The following NUMA1 variants were observed in gnomAD, a reference collection of about 807,000 sequenced individuals.
The protein encoded by NUMA1 is nuclear mitotic apparatus protein 1.
Under a neutral mutation model 237.1 loss-of-function variants are expected in NUMA1, and 62 were observed. That is an observed-to-expected ratio of 0.26 (90% CI 0.21 to 0.32). The LOEUF is 0.32. Ranked by LOEUF, NUMA1 falls within the 10% of genes least tolerant of loss-of-function variation. The pLI, the probability that NUMA1 is intolerant of heterozygous loss-of-function variation, is 1.00. For missense variants in NUMA1, 2,533 were observed against 2,666.5 expected (o/e 0.95, Z 1.10); for synonymous variants, 1,028 against 1,066.1 (o/e 0.96, Z 0.70).
Position 72,029,193 on chromosome 11 carries a change from G to A in NUMA1, c.128+12C>T. ...GCCTTAGAGGCTAGAAAGGGGTATGGTGCGTACTCACATTCTGTCAATGAT... is the reference window on the plus strand; with the variant it reads ...GCCTTAGAGGCTAGAAAGGGGTATGATGCGTACTCACATTCTGTCAATGAT... On this transcript the variant is annotated intron_variant, in intron 4 of 26. Coordinates refer to ENST00000393695, the MANE Select transcript of NUMA1 (RefSeq NM_006185.4). 2 of 1,602,074 alleles carry A rather than the reference G, an allele frequency of 1.2e-6. No individual in the cohort carries two copies.
At position 72,017,845 on chromosome 11, in the gene NUMA1, G is replaced by A; in HGVS notation, c.979-18C>T. 6.6e-7 allele frequency: 1 copy of A among 1,516,382 alleles called. No individual in the cohort carries two copies. Among genetic ancestry groups the A allele is most frequent in the Non-Finnish European group, 8.8e-7 (1 of 1,133,670 alleles). 93.9% of individuals were successfully genotyped at this position (1,516,382 alleles called of 1,614,324 possible). ...TCCCGCAGCTGAGACGGGCAAGTGA[G>A]AATCCCCATCACCCAGAGTCAACGC... On this transcript the variant is annotated intron_variant, in intron 12 of 26. Transcript: ENST00000393695.
Position 72,029,185 on chromosome 11 carries a change from G to A in NUMA1, c.128+20C>T, listed in dbSNP as rs765445798. 2.5e-6 allele frequency: 4 copies of A among 1,585,346 alleles called. No homozygotes were observed. The highest frequency in any genetic ancestry group is 1.7e-5 in the Admixed American group (1 of 59,730). On this transcript the variant is annotated intron_variant, in intron 4 of 26. Coordinates refer to ENST00000393695, the MANE Select transcript of NUMA1 (RefSeq NM_006185.4). ...TCAGCTTTGCCTTAGAGGCTAGAAAGGGGTATGGTGCGTACTCACATTCTG... is the reference window on the plus strand; with the variant it reads ...TCAGCTTTGCCTTAGAGGCTAGAAAAGGGTATGGTGCGTACTCACATTCTG...
At chr11:72,023,272 T>C in intron 5 of NUMA1, 125 bp from the exon 6 acceptor site, 1 of 707,378 alleles carries the variant, frequency 1.4e-6, no homozygotes, top group Non-Finnish European at 2.5e-6. Context: ...TAGGCCTCCT[T>C]ACTCCTATGG....
In NUMA1 at chr11:72,040,445, TACAC is replaced by T. The variant is rs66621771; in HGVS notation, c.-32-4474_-32-4471del. ...TGTATTGTACTGGGGCGCGTACACA[TACAC>T]ACACACACACACACACACACACACA... On this transcript the variant is annotated intron_variant, in intron 2 of 26. Coordinates refer to ENST00000393695, the MANE Select transcript of NUMA1 (RefSeq NM_006185.4). 4.9e-3 allele frequency among the ~76,000 whole-genome samples: 675 copies of T among 136,468 alleles called. 26 individuals carry two copies. Among genetic ancestry groups the T allele is most frequent in the South Asian group, 7.3e-3 (29 of 4,000 alleles). The allele number at this position is 136,468 out of a possible 152,430, so 89.5% of individuals were successfully genotyped here.
intron 2 of NUMA1, among the ~76,000 whole-genome samples, chr11:72,050,223 G>T (rs927791219): frequency 3.9e-5 from 6 of 152,150 alleles, no homozygotes; most frequent in Non-Finnish European, 8.8e-5. Context: ...ACAGACTAAA[G>T]AAAAGTAGCT....
chr11:72,077,455 A>C (rs959696745), intron 1 of NUMA1, among the ~76,000 whole-genome samples: 6 of 152,156 alleles, frequency 3.9e-5, no homozygotes, highest in Non-Finnish European at 8.8e-5. Flanking sequence ...ATTTCAATGA[A>C]AAAACACTTT....
At chr11:72,060,845 C>T (rs552862555) in intron 2 of NUMA1, among the ~76,000 whole-genome samples, 8 of 152,114 alleles carry the variant, frequency 5.3e-5, no homozygotes, top group African/African-American at 1.9e-4. Context: ...CCGAGGCGGG[C>T]GGATCACGAG....
chr11:72,025,758 G>A (rs1428551369), intron 4 of NUMA1, among the ~76,000 whole-genome samples: 1 of 152,154 alleles, frequency 6.6e-6, no homozygotes, highest in South Asian at 2.1e-4. Flanking sequence ...CATACCCCAT[G>A]TGATTACACA....
At chr11:72,063,608 C>CAAAAAAAAA (rs71052848) in intron 2 of NUMA1, among the ~76,000 whole-genome samples, 2 of 61,134 alleles carry the variant, frequency 3.3e-5, no homozygotes, top group Non-Finnish European at 6.6e-5. Context: ...TACCAAAACT[C>CAAAAAAAAA]AAAAAAAAAA....
intron 10 of NUMA1, 86 bp downstream of exon 10, chr11:72,018,737 G>A (rs1938286761): frequency 6.8e-7 from 1 of 1,481,232 alleles, no homozygotes; most frequent in Non-Finnish European, 9.1e-7. Flanking sequence ...CAGCTCCAGG[G>A]GCCAGCAGAG....
At chr11:72,073,063 A>AAAAAAAAAAAAAAAAAC (rs1943536462) in intron 1 of NUMA1, among the ~76,000 whole-genome samples, 1 of 148,576 alleles carries the variant, frequency 6.7e-6, no homozygotes, top group Non-Finnish European at 1.5e-5. Flanking sequence ...AAAAAAAAAA[A>AAAAAAAAAAAAAAAAAC]AAAAAGCTGC....
rs545654921 is a variant in NUMA1 at position 72,065,636 on chromosome 11, A to G, written c.-33+4206T>C. 1.1e-4 allele frequency: 17 copies of G among 152,336 alleles called. No individual in the cohort carries two copies. In the South Asian group the frequency reaches 2.1e-3, roughly 19 times the overall value. 9.4% of individuals were successfully genotyped at this position (152,336 alleles called of 1,614,324 possible). The stretch of plus-strand genomic sequence containing the variant: ...CCTTATACTTCTCTGCGTTTTTCAC[A>G]TATCCTAGAATGAATATATACTATT... On this transcript the variant is annotated intron_variant, in intron 2 of 26. Coordinates refer to ENST00000393695, the MANE Select transcript of NUMA1 (RefSeq NM_006185.4).
rs1254477359 is a variant in NUMA1 at position 72,016,138 on chromosome 11, G to A, written c.1365C>T (p.Gly455=). The A allele has an allele frequency of 2.5e-5, 40 of 1,613,898 alleles. 1 individual carries two copies. The Admixed American group carries it at 6.5e-4, about 26-fold the overall frequency. ...QQEAKLLAER[G]HFEEEKQQLS... Reference sequence around the variant, plus strand: ...GCTGCTGCTTTTCTTCTTCGAAGTGGCCCCGCTCAGCAAGCAGCTTGGCTT... The same window carrying A: ...GCTGCTGCTTTTCTTCTTCGAAGTGACCCCGCTCAGCAAGCAGCTTGGCTT... Residue 455 remains glycine (G), a synonymous_variant, in exon 15 of 27, where the codon GGC becomes GGT. Coordinates refer to ENST00000393695, the MANE Select transcript of NUMA1 (RefSeq NM_006185.4).
chr11:72,063,794 A>G (rs1350204187), intron 2 of NUMA1, among the ~76,000 whole-genome samples: 2 of 151,538 alleles, frequency 1.3e-5, no homozygotes, highest in Non-Finnish European at 1.5e-5. Flanking sequence ...GCATACACCT[A>G]TAGTCCCAGC....
chr11:72,034,081 C>T (rs1419611199), intron 3 of NUMA1, among the ~76,000 whole-genome samples: 1 of 152,020 alleles, frequency 6.6e-6, no homozygotes, highest in African/African-American at 2.4e-5. Flanking sequence ...CATCACTGTA[C>T]TCCAGTCTAG....
At position 72,015,612 on chromosome 11, in the gene NUMA1, G is replaced by A. The variant is rs746813048; in HGVS notation, c.1891C>T (p.Arg631Trp). 37 of 1,613,504 alleles carry A rather than the reference G, an allele frequency of 2.3e-5. No homozygotes were observed. Among genetic ancestry groups the A allele is most frequent in the South Asian group, 5.5e-5 (5 of 91,080 alleles). ...QQQLQVANEA[R>W]DSAQTSVTQA... Reference sequence around the variant, plus strand: ...GTCACTGAGGTCTGGGCACTGTCCCGGGCTTCATTAGCCACCTGAAGTTGC... The same window carrying A: ...GTCACTGAGGTCTGGGCACTGTCCCAGGCTTCATTAGCCACCTGAAGTTGC... Residue 631 changes from arginine to tryptophan, a missense_variant, in exon 15 of 27, where the codon CGG becomes TGG. This residue lies in a region of NUMA1 where 1,414 missense variants were observed against 1,508.1 expected (regional missense o/e 0.94). Coordinates refer to ENST00000393695, the MANE Select transcript of NUMA1 (RefSeq NM_006185.4). The surrounding 1 kb of genome is among the most constrained non-coding windows in gnomAD (Gnocchi z 4.0).
chr11:72,034,528 G>A (rs534698991), intron 3 of NUMA1, among the ~76,000 whole-genome samples: 2 of 152,100 alleles, frequency 1.3e-5, no homozygotes, highest in Non-Finnish European at 2.9e-5. Context: ...CCAACATGGT[G>A]AAACCCGTCT....
intron 2 of NUMA1, chr11:72,067,474 G>A (rs919450334): frequency 6.6e-6 from 1 of 152,160 alleles, no homozygotes; most frequent in Non-Finnish European, 1.5e-5. Flanking sequence ...TCCTACCAAG[G>A]AATGACTTCT....
chr11:72,046,363 G>A (rs1388137554), intron 2 of NUMA1, among the ~76,000 whole-genome samples: 1 of 152,136 alleles, frequency 6.6e-6, no homozygotes, highest in Non-Finnish European at 1.5e-5. Flanking sequence ...TGACCAACAT[G>A]GAGAAACCCC....
Sources: gnomAD v4.1 joint callset for allele counts (sites outside exome capture counted in the v4.1 genomes callset) on GRCh38, gnomAD v4.1.1 for gene constraint, gnomAD v4.1.1 regional missense constraint, Gnocchi (gnomAD v3.1) non-coding constraint, MANE v1.5 for transcripts, NCBI Gene and HGNC (gene_info 2026-07-23, HGNC 2026-07-21) for gene names.